SLC35D4: variants seen among roughly 807,000 people sequenced by gnomAD.
The protein encoded by SLC35D4 is UDP-N-acetylglucosamine transporter SLC35D4.
chr18:23,254,866 C>T, the SLC35D4 span, among the ~76,000 whole-genome samples: 208 of 152,288 alleles, frequency 1.4e-3, 4 homozygotes, highest in Admixed American at 2.6e-3. Flanking sequence ...CATCCACATA[C>T]GAATTTGGGG....
the SLC35D4 span, among the ~76,000 whole-genome samples, chr18:23,350,717 C>T: frequency 6.6e-6 from 1 of 152,102 alleles, no homozygotes; most frequent in African/African-American, 2.4e-5. Context: ...CATGCACCAC[C>T]GAGTTGGCCT....
chr18:23,425,550 T>C, the SLC35D4 span, among the ~76,000 whole-genome samples: 2 of 152,224 alleles, frequency 1.3e-5, no homozygotes, highest in African/African-American at 2.4e-5. Flanking sequence ...ACCACAAACA[T>C]GTTCAGAACA....
the SLC35D4 span, among the ~76,000 whole-genome samples, chr18:23,431,235 A>G: frequency 1.3e-5 from 2 of 152,074 alleles, no homozygotes; most frequent in Non-Finnish European, 1.5e-5. Flanking sequence ...GGCTACCAGA[A>G]GCCTGGCTGC....
At chr18:23,418,204 T>C in the SLC35D4 span, among the ~76,000 whole-genome samples, 1 of 152,010 alleles carries the variant, frequency 6.6e-6, no homozygotes, top group Non-Finnish European at 1.5e-5. Context: ...AAGCATACAG[T>C]GTGGAATATT....
the SLC35D4 span, among the ~76,000 whole-genome samples, chr18:23,339,679 C>T: frequency 2.6e-5 from 4 of 152,188 alleles, no homozygotes; most frequent in Non-Finnish European, 5.9e-5. Flanking sequence ...ATTTGTCTCT[C>T]ATAGTTCTGG....
the SLC35D4 span, among the ~76,000 whole-genome samples, chr18:23,414,331 A>AGGAAGGC: frequency 7.1e-6 from 1 of 140,448 alleles, no homozygotes; most frequent in Non-Finnish European, 1.5e-5. Context: ...GGAAGGAAGG[A>AGGAAGGC]AGGCAGGCAG....
At chr18:23,373,790 A>C in the SLC35D4 span, 130 of 1,608,702 alleles carry the variant, frequency 8.1e-5, 1 homozygote, top group Middle Eastern at 1.7e-4. Flanking sequence ...AAAACACTGC[A>C]GCTTCACCTT....
At chr18:23,276,151 A>G in the SLC35D4 span, among the ~76,000 whole-genome samples, 13 of 151,710 alleles carry the variant, frequency 8.6e-5, no homozygotes, top group East Asian at 1.2e-3. Context: ...GCAGTGGCGC[A>G]ATCTCGGCTC....
chr18:23,269,345 A>C, the SLC35D4 span, among the ~76,000 whole-genome samples: 1 of 152,202 alleles, frequency 6.6e-6, no homozygotes, highest in African/African-American at 2.4e-5. Context: ...CCTTCCTGCC[A>C]CCATGTGAAG....
chr18:23,347,899 C>T, the SLC35D4 span, among the ~76,000 whole-genome samples: 2 of 152,102 alleles, frequency 1.3e-5, no homozygotes, highest in Non-Finnish European at 2.9e-5. Context: ...TTTGCCCTTT[C>T]TTCTTTTCTA....
At chr18:23,354,780 G>A in the SLC35D4 span, among the ~76,000 whole-genome samples, 52 of 152,310 alleles carry the variant, frequency 3.4e-4, 1 homozygote, top group Admixed American at 1.6e-3. Flanking sequence ...GGATAAGCTC[G>A]TGCAGGTTTG....
chr18:23,254,448 C>T, the SLC35D4 span, among the ~76,000 whole-genome samples: 16 of 152,196 alleles, frequency 1.1e-4, no homozygotes, highest in Non-Finnish European at 1.3e-4. Flanking sequence ...TTTTAGAATT[C>T]AATATATTAA....
the SLC35D4 span, among the ~76,000 whole-genome samples, chr18:23,360,555 G>C: frequency 3.9e-5 from 6 of 152,184 alleles, no homozygotes; most frequent in Non-Finnish European, 8.8e-5. Flanking sequence ...ATAACAGCTT[G>C]AGAATAGACA....
chr18:23,384,813 G>A, the SLC35D4 span, among the ~76,000 whole-genome samples: 1 of 152,162 alleles, frequency 6.6e-6, no homozygotes, highest in Non-Finnish European at 1.5e-5. Flanking sequence ...ACATATGTCT[G>A]GTGAATTGCA....
At chr18:23,386,476 G>A in the SLC35D4 span, among the ~76,000 whole-genome samples, 5 of 152,106 alleles carry the variant, frequency 3.3e-5, no homozygotes, top group Non-Finnish European at 7.4e-5. Context: ...ACCGGGCCCA[G>A]CCCTGCCCAC....
the SLC35D4 span, among the ~76,000 whole-genome samples, chr18:23,320,342 G>T: frequency 6.6e-6 from 1 of 152,078 alleles, no homozygotes; most frequent in Non-Finnish European, 1.5e-5. Context: ...TTCTGTAATA[G>T]CTATTTGATT....
the SLC35D4 span, among the ~76,000 whole-genome samples, chr18:23,354,100 G>A: frequency 1.3e-5 from 2 of 152,150 alleles, no homozygotes; most frequent in Non-Finnish European, 1.5e-5. Context: ...CCACTGTGTG[G>A]CCAGAGCCAT....
At chr18:23,423,150 C>T in the SLC35D4 span, among the ~76,000 whole-genome samples, 2 of 152,232 alleles carry the variant, frequency 1.3e-5, no homozygotes, top group African/African-American at 2.4e-5. Flanking sequence ...GGCCCACAGC[C>T]TTGGGAACAT....
chr18:23,327,852 C>T, the SLC35D4 span, among the ~76,000 whole-genome samples: 5 of 152,140 alleles, frequency 3.3e-5, no homozygotes, highest in Non-Finnish European at 5.9e-5. Flanking sequence ...AAAGCTTATC[C>T]GCCATGATCA....
Sources: allele counts gnomAD v4.1 joint callset (sites outside exome capture counted in the v4.1 genomes callset), GRCh38; gene constraint gnomAD v4.1.1; transcripts MANE v1.5; gene names NCBI Gene and HGNC (gene_info 2026-07-23, HGNC 2026-07-21).